Variants in DIP2C observed in about 807,000 individuals in gnomAD.
DIP2C encodes the protein disco-interacting protein 2 homolog C.
In DIP2C, 33 loss-of-function variants were observed where a neutral mutation model predicts 192.4. That is an observed-to-expected ratio of 0.17 (90% CI 0.13 to 0.23). The LOEUF (loss-of-function observed/expected upper bound fraction) is 0.23, where lower values mean the gene tolerates loss of function less well. Among genes scored for constraint, DIP2C ranks in the 10% least tolerant of loss-of-function variants. The probability of loss-of-function intolerance (pLI) is 1.00; values close to 1 mark genes in which losing one functional copy is unlikely to be tolerated. For synonymous variants in DIP2C, 979 were observed against 864.1 expected, an observed-to-expected ratio of 1.13 and a Z score of -2.33; for missense variants, 1,537 against 2,110.1, an observed-to-expected ratio of 0.73 and a Z score of 5.32.
chr10:672,198 A>C (rs530621160), intron 1 of DIP2C, among the ~76,000 whole-genome samples: 1 of 151,212 alleles, frequency 6.6e-6, no homozygotes, highest in African/African-American at 2.4e-5. Context: ...CACACGGACG[A>C]AAGAAACACC....
intron 1 of DIP2C, among the ~76,000 whole-genome samples, chr10:591,966 T>C (rs1345088591): frequency 1.3e-5 from 2 of 152,234 alleles, no homozygotes; most frequent in East Asian, 1.9e-4. Context: ...TGAAGAACGA[T>C]GCGAGTCTAA....
At chr10:665,649 A>T (rs1857043805) in intron 1 of DIP2C, 1 of 152,280 alleles carries the variant, frequency 6.6e-6, no homozygotes, top group Non-Finnish European at 1.5e-5. Context: ...GCGGACTGGG[A>T]CATCGTCCTC....
At chr10:424,279 T>C (rs1052564814) in intron 4 of DIP2C, among the ~76,000 whole-genome samples, 4 of 123,052 alleles carry the variant, frequency 3.3e-5, no homozygotes, top group African/African-American at 1.3e-4. Context: ...ACTTATGCTG[T>C]CTGGGAATTT....
chr10:587,506 C>T (rs1851137566), intron 1 of DIP2C, among the ~76,000 whole-genome samples: 1 of 152,164 alleles, frequency 6.6e-6, no homozygotes, highest in African/African-American at 2.4e-5. Context: ...CCCAAACCTA[C>T]AGTCCTATAA....
intron 2 of DIP2C, among the ~76,000 whole-genome samples, chr10:480,114 G>GGGT (rs1843485506): frequency 6.7e-6 from 1 of 148,300 alleles, no homozygotes; most frequent in Non-Finnish European, 1.5e-5. Flanking sequence ...CACTGGATGA[G>GGGT]TCTCACCCGC....
At chr10:371,689 G>A (rs1336160003) in intron 17 of DIP2C, among the ~76,000 whole-genome samples, 2 of 152,108 alleles carry the variant, frequency 1.3e-5, no homozygotes, top group East Asian at 1.9e-4. Flanking sequence ...CAGCACCCGA[G>A]GGAGGCTGGG....
At chr10:431,575 CTTT>C (rs984481068) in intron 4 of DIP2C, among the ~76,000 whole-genome samples, 16 of 152,292 alleles carry the variant, frequency 1.1e-4, no homozygotes, top group Non-Finnish European at 1.9e-4. Flanking sequence ...ACATGAGCCA[CTTT>C]TTTATTTCAA....
chr10:321,316 C>A (rs1956998953), intron 31 of DIP2C, among the ~76,000 whole-genome samples: 1 of 152,232 alleles, frequency 6.6e-6, no homozygotes, highest in South Asian at 2.1e-4. Flanking sequence ...TCATAACACT[C>A]ATGAACTGTG....
intron 1 of DIP2C, among the ~76,000 whole-genome samples, chr10:670,096 A>T (rs1427567661): frequency 6.6e-6 from 1 of 152,192 alleles, no homozygotes; most frequent in Admixed American, 6.5e-5. Context: ...ATGCATACAC[A>T]CACATCCACA....
At chr10:466,887 G>A (rs1354182794) in intron 3 of DIP2C, among the ~76,000 whole-genome samples, 3 of 142,890 alleles carry the variant, frequency 2.1e-5, no homozygotes, top group Non-Finnish European at 4.6e-5. Flanking sequence ...GAAACAACAG[G>A]TGCTGGAGAG....
intron 1 of DIP2C, among the ~76,000 whole-genome samples, chr10:670,953 AT>A (rs1033185287): frequency 9.9e-5 from 15 of 152,230 alleles, no homozygotes. Context: ...ACCAGGTCTC[AT>A]TTCAAAACCG....
At chr10:473,579 G>A (rs1039134143) in intron 2 of DIP2C, among the ~76,000 whole-genome samples, 4 of 143,640 alleles carry the variant, frequency 2.8e-5, no homozygotes, top group Non-Finnish European at 4.5e-5. Context: ...TTCTGTGAAC[G>A]GCTCTGATAC....
chr10:364,751 G>C (rs562696092), intron 19 of DIP2C, among the ~76,000 whole-genome samples, 169 bp from the exon 20 acceptor site: 1 of 152,148 alleles, frequency 6.6e-6, no homozygotes, highest in African/African-American at 2.4e-5. Context: ...AACAGTCTTC[G>C]AGGCAGAAAA....
intron 1 of DIP2C, among the ~76,000 whole-genome samples, chr10:509,800 C>T (rs534784923): frequency 3.9e-5 from 6 of 152,092 alleles, no homozygotes; most frequent in Admixed American, 6.5e-5. Flanking sequence ...TCCCAGCCCA[C>T]GCTTCGGCAT....
intron 23 of DIP2C, among the ~76,000 whole-genome samples, chr10:357,085 C>A (rs1959117308): frequency 6.6e-6 from 1 of 152,330 alleles, no homozygotes; most frequent in African/African-American, 2.4e-5. Context: ...TACAGAAAAA[C>A]CCACAGATAA....
chr10:612,467 A>G (rs1853162645), intron 1 of DIP2C, among the ~76,000 whole-genome samples: 1 of 152,240 alleles, frequency 6.6e-6, no homozygotes, highest in Admixed American at 6.5e-5. Context: ...GAAAAAGCAC[A>G]GTTAAGGAAA....
chr10:362,338 CCCCA>C, intron 22 of DIP2C, 148 bp downstream of exon 22: 1 of 851,280 alleles, frequency 1.2e-6, no homozygotes, highest in Non-Finnish European at 1.7e-6. Flanking sequence ...TCCAAGTTGC[CCCCA>C]CCCATTCTAT....
At chr10:333,204 ATTC>A (rs1013880675) in intron 29 of DIP2C, among the ~76,000 whole-genome samples, 195 of 152,292 alleles carry the variant, frequency 1.3e-3, no homozygotes, top group African/African-American at 4.2e-3. Flanking sequence ...CACCCGGCCT[ATTC>A]TTTTTAAAAC....
intron 1 of DIP2C, among the ~76,000 whole-genome samples, chr10:584,685 G>A (rs1199665681): frequency 1.0e-5 from 1 of 97,988 alleles, no homozygotes; most frequent in Non-Finnish European, 1.9e-5. Flanking sequence ...CCCCACTCAC[G>A]CGCATCACCT....
Sources: gnomAD v4.1 joint callset for allele counts (sites outside exome capture counted in the v4.1 genomes callset) on GRCh38, gnomAD v4.1.1 for gene constraint, MANE v1.5 for transcripts, NCBI Gene and HGNC (gene_info 2026-07-23, HGNC 2026-07-21) for gene names.